Variants in WWOX observed in about 807,000 individuals in gnomAD.
WWOX encodes WW domain containing oxidoreductase, also known as WW domain-containing oxidoreductase.
In WWOX, 69 loss-of-function variants were observed where a neutral mutation model predicts 46.2. That is an observed-to-expected ratio of 1.49 (90% CI 1.23 to 1.82). WWOX has a LOEUF of 1.82. WWOX is among the 40% of genes most tolerant of loss of function. WWOX has a pLI of 0.00. For synonymous variants in WWOX, 359 were observed against 202.6 expected, an observed-to-expected ratio of 1.77 and a Z score of -6.56; for missense variants, 919 against 542.6, an observed-to-expected ratio of 1.69 and a Z score of -6.89.
At chr16:78,666,557 G>T (rs143676688) in intron 8 of WWOX, among the ~76,000 whole-genome samples, 1 of 152,160 alleles carries the variant, frequency 6.6e-6, no homozygotes, top group Admixed American at 6.5e-5. Flanking sequence ...CATTTGATTG[G>T]GGTACTGCCT....
At chr16:78,249,851 G>T (rs1462785963) in intron 5 of WWOX, among the ~76,000 whole-genome samples, 8 of 152,118 alleles carry the variant, frequency 5.3e-5, no homozygotes, top group Admixed American at 3.3e-4. Flanking sequence ...GCTGGGGGCT[G>T]GGGGCCTGGA....
intron 8 of WWOX, among the ~76,000 whole-genome samples, chr16:78,975,908 C>G (rs1402764794): frequency 6.6e-6 from 1 of 152,160 alleles, no homozygotes; most frequent in Non-Finnish European, 1.5e-5. Flanking sequence ...CCACATGTCA[C>G]CCCCTCTTCC....
At chr16:78,869,393 T>A (rs765607603) in intron 8 of WWOX, among the ~76,000 whole-genome samples, 1 of 152,226 alleles carries the variant, frequency 6.6e-6, no homozygotes. Flanking sequence ...AAATGGTTTT[T>A]ATGGATTCTA....
At chr16:78,981,083 T>C (rs2046672195) in intron 8 of WWOX, among the ~76,000 whole-genome samples, 1 of 152,208 alleles carries the variant, frequency 6.6e-6, no homozygotes, top group Non-Finnish European at 1.5e-5. Context: ...GGGAGCCTCA[T>C]TCGAGTTCTT....
At chr16:78,748,338 A>C (rs2049398414) in intron 8 of WWOX, among the ~76,000 whole-genome samples, 1 of 152,224 alleles carries the variant, frequency 6.6e-6, no homozygotes, top group Non-Finnish European at 1.5e-5. Context: ...ACTGTTACCC[A>C]GTGGTGGAAG....
chr16:78,327,188 C>G (rs911289142), intron 5 of WWOX, among the ~76,000 whole-genome samples: 5 of 152,074 alleles, frequency 3.3e-5, no homozygotes, highest in African/African-American at 1.2e-4. Flanking sequence ...AGCGATGGGA[C>G]CAAATTATAG....
At chr16:78,163,429 T>C (rs1416674082) in intron 4 of WWOX, among the ~76,000 whole-genome samples, 1 of 152,230 alleles carries the variant, frequency 6.6e-6, no homozygotes, top group South Asian at 2.1e-4. Context: ...TCCTGGTGGG[T>C]CCTGAGCTCA....
At chr16:78,931,252 T>C (rs1447612314) in intron 8 of WWOX, among the ~76,000 whole-genome samples, 1 of 151,946 alleles carries the variant, frequency 6.6e-6, no homozygotes, top group Non-Finnish European at 1.5e-5. Flanking sequence ...GGAGGGATAA[T>C]GGGAACGCAG....
At chr16:79,210,221 TGAA>T (rs948436987) in intron 8 of WWOX, among the ~76,000 whole-genome samples, 1 of 152,200 alleles carries the variant, frequency 6.6e-6, no homozygotes, top group Non-Finnish European at 1.5e-5. Context: ...ATCCTGACAC[TGAA>T]GAAGCTAAAA....
chr16:78,186,721 T>C (rs1003687654), intron 5 of WWOX, among the ~76,000 whole-genome samples: 16 of 152,192 alleles, frequency 1.1e-4, no homozygotes, highest in African/African-American at 3.6e-4. Context: ...GCCAAGATCG[T>C]GCCACTGCAC....
In WWOX at chr16:78,581,702, G is replaced by A. The variant is rs1254842129; in HGVS notation, c.1056+148950G>A. ...GTAGTTTATACCAGTACATTTTTTA[G>A]GTGCCTTAACTTACCAAGGTTATTT... On this transcript the variant is annotated intron_variant, in intron 8 of 8. Coordinates refer to ENST00000566780, the MANE Select transcript of WWOX (RefSeq NM_016373.4). Among the ~76,000 whole-genome samples, 3 of 152,182 alleles carry A rather than the reference G, an allele frequency of 2.0e-5. No individual in the cohort carries two copies. The South Asian group carries it at 6.2e-4, about 32-fold the overall frequency.
intron 8 of WWOX, among the ~76,000 whole-genome samples, chr16:78,520,248 A>T (rs897384692): frequency 6.6e-6 from 1 of 152,210 alleles, no homozygotes; most frequent in South Asian, 2.1e-4. Context: ...CTGATGGATT[A>T]CGGTGAAGAG....
chr16:78,642,092 ACTGT>A (rs1184029591), intron 8 of WWOX, among the ~76,000 whole-genome samples: 2 of 152,136 alleles, frequency 1.3e-5, no homozygotes, highest in Non-Finnish European at 2.9e-5. Flanking sequence ...TGTGTAGGAG[ACTGT>A]CTGTCCCCCA....
At chr16:78,816,507 T>TC (rs1225025299) in intron 8 of WWOX, among the ~76,000 whole-genome samples, 6 of 133,836 alleles carry the variant, frequency 4.5e-5, no homozygotes, top group Non-Finnish European at 7.8e-5. Context: ...CCACTCTTTT[T>TC]TTTTTTTTTT....
Position 78,785,221 on chromosome 16 carries a change from G to A in WWOX, c.1056+352469G>A, listed in dbSNP as rs569493267. ...TGTCTTTTGCTAGCAGGCGCTCTCA[G>A]CAAAGGAGATAAGGCTGCAGTAATT... is the stretch of plus-strand genomic sequence containing the variant. On this transcript the variant is annotated intron_variant, in intron 8 of 8. Coordinates refer to ENST00000566780, the MANE Select transcript of WWOX (RefSeq NM_016373.4). 1.9e-4 allele frequency among the ~76,000 whole-genome samples: 29 copies of A among 152,218 alleles called. 1 individual carries two copies. Among genetic ancestry groups the A allele is most frequent in the Non-Finnish European group, 2.6e-4 (18 of 68,030 alleles).
chr16:79,051,866 T>G (rs1443894925), intron 8 of WWOX, among the ~76,000 whole-genome samples: 1 of 152,228 alleles, frequency 6.6e-6, no homozygotes, highest in Non-Finnish European at 1.5e-5. Context: ...CTCCCACAGT[T>G]TAGCCTAAAT....
chr16:79,117,983 G>C (rs1398325824), intron 8 of WWOX, among the ~76,000 whole-genome samples: 1 of 152,206 alleles, frequency 6.6e-6, no homozygotes, highest in African/African-American at 2.4e-5. Context: ...TATCATTTGT[G>C]TGTTCACTAG....
At chr16:78,532,395 T>G (rs1179351636) in intron 8 of WWOX, among the ~76,000 whole-genome samples, 1 of 152,146 alleles carries the variant, frequency 6.6e-6, no homozygotes, top group Non-Finnish European at 1.5e-5. Context: ...TCCTCATCTT[T>G]GAAATGACCA....
At chr16:78,393,240 C>A (rs1003704823) in intron 6 of WWOX, among the ~76,000 whole-genome samples, 1 of 152,160 alleles carries the variant, frequency 6.6e-6, no homozygotes, top group Non-Finnish European at 1.5e-5. Context: ...TTTTATGAGG[C>A]TTTGCACATT....
Sources: gnomAD v4.1 joint callset for allele counts (sites outside exome capture counted in the v4.1 genomes callset) on GRCh38, gnomAD v4.1.1 for gene constraint, MANE v1.5 for transcripts, NCBI Gene and HGNC (gene_info 2026-07-23, HGNC 2026-07-21) for gene names.